The following HTR4 variants were observed in gnomAD, a reference collection of about 807,000 sequenced individuals.
HTR4 encodes 5-hydroxytryptamine (serotonin) receptor 4, G protein-coupled.
In HTR4, 16 loss-of-function variants were observed where a neutral mutation model predicts 36.8. That is an observed-to-expected ratio of 0.43 (90% CI 0.29 to 0.66). The LOEUF is 0.66. HTR4 is among the 30% of genes least tolerant of loss of function. The pLI, the probability that HTR4 is intolerant of heterozygous loss-of-function variation, is 0.13. For missense variants in HTR4, 438 were observed against 490.9 expected (o/e 0.89, Z 1.02); for synonymous variants, 189 against 185.1 (o/e 1.02, Z -0.17).
At chr5:148,523,834 C>T (rs1758138143) in intron 4 of HTR4, among the ~76,000 whole-genome samples, 2 of 152,104 alleles carry the variant, frequency 1.3e-5, no homozygotes, top group Admixed American at 6.6e-5. Flanking sequence ...GAGCCTCTGC[C>T]CAGCCCTCTG....
At chr5:148,638,528 T>C (rs1753623406) in intron 1 of HTR4, among the ~76,000 whole-genome samples, 1 of 152,186 alleles carries the variant, frequency 6.6e-6, no homozygotes, top group South Asian at 2.1e-4. Flanking sequence ...ATTTTATCCC[T>C]ACGTTGAGAC....
intron 6 of HTR4, among the ~76,000 whole-genome samples, chr5:148,492,009 G>T (rs1030852425): frequency 5.9e-5 from 9 of 152,236 alleles, no homozygotes; most frequent in African/African-American, 2.2e-4. Flanking sequence ...TGCAGCCAGG[G>T]TTGAAGGCCA....
rs373953572 is a variant in HTR4 at position 148,501,378 on chromosome 5, CAG to C, written c.1076+8076_1076+8077del. 5.6e-4 allele frequency among the ~76,000 whole-genome samples: 85 copies of C among 152,224 alleles called. No homozygotes were observed. In the South Asian group the frequency reaches 0.017, roughly 30 times the overall value. ...TAATGTTAACTATTGCCTCTGGGAACAGGGGTAGGATTAGCAGGATAAAAGCT... is the reference window on the plus strand; with the variant it reads ...TAATGTTAACTATTGCCTCTGGGAACGGGTAGGATTAGCAGGATAAAAGCT... On this transcript the variant is annotated intron_variant, in intron 6 of 6. Coordinates refer to ENST00000377888, the MANE Select transcript of HTR4 (RefSeq NM_000870.7).
intron 4 of HTR4, among the ~76,000 whole-genome samples, chr5:148,540,893 T>C (rs894241992): frequency 6.6e-6 from 1 of 152,078 alleles, no homozygotes; most frequent in African/African-American, 2.4e-5. Context: ...AAGAACAAGA[T>C]GACTATCAGT....
At chr5:148,537,531 CA>C (rs1758885638) in intron 4 of HTR4, among the ~76,000 whole-genome samples, 1 of 151,872 alleles carries the variant, frequency 6.6e-6, no homozygotes, top group South Asian at 2.1e-4. Context: ...TCTGAATAAA[CA>C]CAATTAGAAA....
At chr5:148,498,838 A>T (rs1756805980) in intron 6 of HTR4, among the ~76,000 whole-genome samples, 1 of 152,188 alleles carries the variant, frequency 6.6e-6, no homozygotes, top group Non-Finnish European at 1.5e-5. Flanking sequence ...GGTGGTTAAT[A>T]AGAATAGGTC....
chr5:148,531,464 T>A (rs1304572976), intron 4 of HTR4, among the ~76,000 whole-genome samples: 2 of 152,200 alleles, frequency 1.3e-5, no homozygotes, highest in Non-Finnish European at 2.9e-5. Flanking sequence ...CCTTCTGCCA[T>A]GATTGTGAGT....
intron 5 of HTR4, among the ~76,000 whole-genome samples, chr5:148,510,649 A>G (rs1197084002): frequency 1.3e-5 from 2 of 152,240 alleles, no homozygotes; most frequent in Admixed American, 6.5e-5. Flanking sequence ...GTTTTTTCCA[A>G]TAACTCTAAA....
intron 2 of HTR4, among the ~76,000 whole-genome samples, chr5:148,604,428 G>C (rs920186641): frequency 6.6e-6 from 1 of 152,124 alleles, no homozygotes; most frequent in Admixed American, 6.5e-5. Context: ...CTCTTATACT[G>C]TTGCTGGAAA....
intron 5 of HTR4, among the ~76,000 whole-genome samples, chr5:148,451,515 G>C (rs538634680): frequency 1.2e-4 from 19 of 152,182 alleles, no homozygotes; most frequent in Non-Finnish European, 1.8e-4. Context: ...GAGTGCATAG[G>C]GGGTAAGTGG....
intron 2 of HTR4, chr5:148,630,243 TCAGGGGTATTTTCTTGTAAA>T (rs1427661890): frequency 6.6e-6 from 1 of 152,120 alleles, no homozygotes; most frequent in Non-Finnish European, 1.5e-5. Flanking sequence ...AAGAAATAAG[TCAGGGGTATTTTCTTGTAAA>T]CAGGGGTCAC....
intron 5 of HTR4, among the ~76,000 whole-genome samples, chr5:148,469,586 CG>C (rs1387643348): frequency 1.3e-5 from 2 of 152,164 alleles, no homozygotes; most frequent in African/African-American, 4.8e-5. Flanking sequence ...AGTTCCTACA[CG>C]GGGGTTGTGT....
chr5:148,576,110 C>CAAAAGAAA (rs1760891579), intron 2 of HTR4, among the ~76,000 whole-genome samples: 1 of 32,712 alleles, frequency 3.1e-5, no homozygotes. Context: ...GACTCCGTCT[C>CAAAAGAAA]AAAAAAAAAA....
rs1468970569 is a variant in HTR4 at position 148,581,421 on chromosome 5, C to CAATG, written c.27-31163_27-31160dup. 2.1e-5 allele frequency among the ~76,000 whole-genome samples: 3 copies of CAATG among 145,118 alleles called. No individual in the cohort carries two copies. In the East Asian group the frequency reaches 6.1e-4, roughly 29 times the overall value. On this transcript the variant is annotated intron_variant, in intron 2 of 6. Coordinates refer to ENST00000377888, the MANE Select transcript of HTR4 (RefSeq NM_000870.7). ...ATATCCAAGAAATTATTACTGAGAT[C>CAATG]AATGACAAGAAGCTTTTCCCCTCTG...
chr5:148,560,205 TAA>T (rs34166829), intron 2 of HTR4, among the ~76,000 whole-genome samples: 16,702 of 90,900 alleles, frequency 0.18, 1,203 homozygotes, highest in East Asian at 0.3. Flanking sequence ...GCTTTTTTTT[TAA>T]AAAAAAAAAA....
At chr5:148,546,175 A>G (rs1358619861) in intron 4 of HTR4, among the ~76,000 whole-genome samples, 1 of 152,198 alleles carries the variant, frequency 6.6e-6, no homozygotes, top group Non-Finnish European at 1.5e-5. Flanking sequence ...GTTTGATGAG[A>G]AAGATCATGA....
chr5:148,453,846 C>G (rs1179422009), intron 5 of HTR4, among the ~76,000 whole-genome samples: 6 of 152,028 alleles, frequency 3.9e-5, no homozygotes, highest in African/African-American at 2.4e-5. Flanking sequence ...GACAGTGAGA[C>G]CAATTAGGAG....
chr5:148,596,691 G>A (rs1292502364), intron 2 of HTR4, among the ~76,000 whole-genome samples: 2 of 151,388 alleles, frequency 1.3e-5, no homozygotes, highest in Admixed American at 6.6e-5. Flanking sequence ...AGGGAGGGGG[G>A]TGGGAGGTGC....
chr5:148,630,749 G>A (rs1753294000), intron 2 of HTR4, among the ~76,000 whole-genome samples: 1 of 152,010 alleles, frequency 6.6e-6, no homozygotes, highest in South Asian at 2.1e-4. Context: ...CATACTATGT[G>A]CAAAATACTA....
Sources: gnomAD v4.1 joint callset for allele counts (sites outside exome capture counted in the v4.1 genomes callset) on GRCh38, gnomAD v4.1.1 for gene constraint, MANE v1.5 for transcripts, NCBI Gene and HGNC (gene_info 2026-07-23, HGNC 2026-07-21) for gene names.